IL2RA: variants seen among roughly 807,000 people sequenced by gnomAD.
IL2RA encodes interleukin-2 receptor subunit alpha.
A neutral mutation model predicts 37.8 loss-of-function variants in IL2RA; 24 were observed. That is an observed-to-expected ratio of 0.63 (90% CI 0.46 to 0.89). The LOEUF (loss-of-function observed/expected upper bound fraction) is 0.89. IL2RA is among the 40% of genes least tolerant of loss of function. The pLI, the probability that IL2RA is intolerant of heterozygous loss-of-function variation, is 0.00. For synonymous variants in IL2RA, 125 were observed against 114.6 expected (o/e 1.09, Z -0.58); for missense variants, 319 against 348.6 (o/e 0.92, Z 0.68).
Position 6,058,634 on chromosome 10 carries a change from A to G in IL2RA, c.64+3454T>C, listed in dbSNP as rs1341663849. 6.6e-6 allele frequency among the ~76,000 whole-genome samples: 1 copy of G among 152,234 alleles called. No homozygotes were observed. Among genetic ancestry groups the G allele is most frequent in the Non-Finnish European group, 1.5e-5 (1 of 68,046 alleles). ...GCAGTTGTCTTTACAAGAATGGATA[A>G]TTACACAAACACATTATCTCAATGG... On this transcript the variant is annotated intron_variant, in intron 1 of 7. Coordinates refer to ENST00000379959, the MANE Select transcript of IL2RA (RefSeq NM_000417.3). The surrounding 1 kb of genome is among the most constrained non-coding windows in gnomAD (Gnocchi z 4.2).
Position 6,020,191 on chromosome 10 carries a change from C to G in IL2RA, c.584-250G>C, listed in dbSNP as rs1839362122. ...CCCTAGCTGTCCCCAAAACTCTGAGCAATGCTTTCTCCCCAGCCTCCCTCC... is the reference window on the plus strand; with the variant it reads ...CCCTAGCTGTCCCCAAAACTCTGAGGAATGCTTTCTCCCCAGCCTCCCTCC... On this transcript the variant is annotated intron_variant, in intron 4 of 7. Coordinates refer to ENST00000379959, the MANE Select transcript of IL2RA (RefSeq NM_000417.3). This position sits in a 1 kb window ranked among gnomAD's most constrained non-coding sequence, Gnocchi z 5.6. 6.6e-6 allele frequency among the ~76,000 whole-genome samples: 1 copy of G among 152,184 alleles called. No individual in the cohort carries two copies. Among genetic ancestry groups the G allele is most frequent in the Non-Finnish European group, 1.5e-5 (1 of 68,024 alleles).
rs1390652123 is a variant in IL2RA at position 6,047,232 on chromosome 10, C to T, written c.64+14856G>A. ...ACACAGGTAGCCCAAGGAACAACCC[C>T]CATGCCAACAGCACTCCATCCCGAC... On this transcript the variant is annotated intron_variant, in intron 1 of 7. Coordinates refer to ENST00000379959, the MANE Select transcript of IL2RA (RefSeq NM_000417.3). This position sits in a 1 kb window ranked among gnomAD's most constrained non-coding sequence, Gnocchi z 5.0. Among the ~76,000 whole-genome samples, 1 of 152,218 alleles carries T rather than the reference C, an allele frequency of 6.6e-6. No homozygotes were observed. The highest frequency in any genetic ancestry group is 2.4e-5 in the African/African-American group (1 of 41,454).
chr10:6,061,103 T>C (rs1214210011), intron 1 of IL2RA, among the ~76,000 whole-genome samples: 1 of 151,948 alleles, frequency 6.6e-6, no homozygotes, highest in African/African-American at 2.4e-5. Context: ...TAAAAAAAAA[T>C]ATTGGCCAGG....
At chr10:6,038,849 G>C (rs1198828820) in intron 1 of IL2RA, among the ~76,000 whole-genome samples, 1 of 152,098 alleles carries the variant, frequency 6.6e-6, no homozygotes, top group Admixed American at 6.6e-5. Context: ...ACAGAGTAAA[G>C]TGAATAACTT....
At chr10:6,013,828 T>G (rs1839231562) in intron 7 of IL2RA, among the ~76,000 whole-genome samples, 2 of 121,830 alleles carry the variant, frequency 1.6e-5, no homozygotes, top group South Asian at 5.4e-4. Flanking sequence ...ATTTAAATAT[T>G]TTAATTTTTT....
intron 1 of IL2RA, among the ~76,000 whole-genome samples, chr10:6,027,085 G>A (rs12722565): frequency 0.029 from 4,452 of 152,268 alleles, 102 homozygotes; most frequent in Middle Eastern, 0.078. Context: ...ACTTTGGGAG[G>A]CCAAGGCGGG....
At chr10:6,051,748 A>ACCTCAGGTGATCTGCCCG (rs1839962443) in intron 1 of IL2RA, among the ~76,000 whole-genome samples, 1 of 133,016 alleles carries the variant, frequency 7.5e-6, no homozygotes, top group Non-Finnish European at 1.6e-5. Flanking sequence ...CGAACTCCTG[A>ACCTCAGGTGATCTGCCCG]CCTCAGGTGA....
intron 1 of IL2RA, among the ~76,000 whole-genome samples, chr10:6,030,545 T>C (rs1325556795): frequency 1.3e-5 from 2 of 152,090 alleles, no homozygotes; most frequent in Non-Finnish European, 2.9e-5. Flanking sequence ...CTAGAGACAA[T>C]ATCCTCTAAA....
Position 6,023,976 on chromosome 10 carries a change from G to C in IL2RA, c.367+268C>G, listed in dbSNP as rs370491548. 7.2e-5 allele frequency among the ~76,000 whole-genome samples: 11 copies of C among 152,364 alleles called. No homozygotes were observed. The South Asian group carries it at 2.3e-3, about 32-fold the overall frequency. ...GACGCTTTTAAGTTGAGTTGAATTTGGGTTGAATTCTATTTGGCCAGTTAC... is the reference window on the plus strand; with the variant it reads ...GACGCTTTTAAGTTGAGTTGAATTTCGGTTGAATTCTATTTGGCCAGTTAC... On this transcript the variant is annotated intron_variant, in intron 3 of 7. Transcript: ENST00000379959.
In IL2RA at chr10:6,033,623, A is replaced by G. The variant is rs1312311659; in HGVS notation, c.65-7598T>C. On this transcript the variant is annotated intron_variant, in intron 1 of 7. Transcript: ENST00000379959. This position sits in a 1 kb window ranked among gnomAD's most constrained non-coding sequence, Gnocchi z 4.3. ...ACCATTCAAAAATAAAAAATAATGA[A>G]CTATTGATACAGGCAATATTGATAA... is the stretch of plus-strand genomic sequence containing the variant. Among the ~76,000 whole-genome samples, 1 of 152,224 alleles carries G rather than the reference A, an allele frequency of 6.6e-6. No individual in the cohort carries two copies. The highest frequency in any genetic ancestry group is 1.5e-5 in the Non-Finnish European group (1 of 68,032).
rs184485650 is a variant in IL2RA, at chr10:6,056,184, C to T, written c.64+5904G>A. 1.6e-4 allele frequency among the ~76,000 whole-genome samples: 25 copies of T among 152,310 alleles called. No homozygotes were observed. The highest frequency in any genetic ancestry group is 1.3e-3 in the Admixed American group (20 of 15,298). ...GGGGGCTATTGGCAAACACTGTTGG[C>T]TGACTTCAGAATGGGAGCCATTCAG... On this transcript the variant is annotated intron_variant, in intron 1 of 7. Coordinates refer to ENST00000379959, the MANE Select transcript of IL2RA (RefSeq NM_000417.3). The surrounding 1 kb of genome is among the most constrained non-coding windows in gnomAD (Gnocchi z 5.0).
Position 6,021,340 on chromosome 10 carries a change from A to G in IL2RA, c.583+138T>C. ...AAATTTTTTTTTTTTTCTCAGAATG[A>G]GAAAAAATGGAAGCCCAGGGAGATC... On this transcript the variant is annotated intron_variant, in intron 4 of 7. Coordinates refer to ENST00000379959, the MANE Select transcript of IL2RA (RefSeq NM_000417.3). The surrounding 1 kb of genome is among the most constrained non-coding windows in gnomAD (Gnocchi z 4.9). The G allele has an allele frequency of 1.3e-6, 1 of 757,128 alleles. No homozygotes were observed. Among genetic ancestry groups the G allele is most frequent in the Non-Finnish European group, 2.2e-6 (1 of 445,350 alleles). The allele number at this position is 757,128 out of a possible 1,614,324, so 46.9% of individuals were successfully genotyped here.
chr10:6,030,180 A>G (rs1031159556), intron 1 of IL2RA, among the ~76,000 whole-genome samples: 1 of 152,244 alleles, frequency 6.6e-6, no homozygotes, highest in East Asian at 1.9e-4. Context: ...CCTACATTTA[A>G]TTGAATTCCC....
In IL2RA at chr10:6,010,699, AT is replaced by A. The variant is rs1839179317; in HGVS notation, c.*2172del. ...AATAAAAACCAAGACTTTTTAAAAA[AT>A]ATCATTTATTCTTTTATAAACAATA... On this transcript the variant is annotated 3_prime_UTR_variant, in exon 8 of 8. Transcript: ENST00000379959. 6.6e-6 allele frequency: 1 copy of A among 152,164 alleles called. No homozygotes were observed. Among genetic ancestry groups the A allele is most frequent in the Non-Finnish European group, 1.5e-5 (1 of 68,036 alleles). 9.4% of individuals were successfully genotyped at this position (152,164 alleles called of 1,614,324 possible). A position where few individuals can be genotyped will look rare whatever the true frequency, so the allele number is the denominator to read the frequency against.
intron 1 of IL2RA, among the ~76,000 whole-genome samples, chr10:6,052,933 G>A (rs1038661861): frequency 1.3e-5 from 2 of 152,132 alleles, no homozygotes; most frequent in Non-Finnish European, 2.9e-5. Context: ...GCAGGGAACA[G>A]CAGGACCCGG....
intron 1 of IL2RA, among the ~76,000 whole-genome samples, chr10:6,055,178 G>A (rs961222795): frequency 1.3e-5 from 2 of 152,166 alleles, no homozygotes; most frequent in African/African-American, 2.4e-5. Context: ...AATTTGCTCC[G>A]TGACAAGATC....
intron 4 of IL2RA, 21 bp from the exon 5 acceptor site, chr10:6,019,962 T>C (rs780096707): frequency 3.1e-6 from 5 of 1,607,546 alleles, no homozygotes; most frequent in East Asian, 4.5e-5. Context: ...GAGTAAGTGA[T>C]GCTGGTGGAG....
intron 1 of IL2RA, among the ~76,000 whole-genome samples, chr10:6,030,586 A>G (rs1839560945): frequency 6.6e-6 from 1 of 152,234 alleles, no homozygotes; most frequent in Admixed American, 6.5e-5. Flanking sequence ...ATTTTCAGAT[A>G]AAAGAAAGCT....
chr10:6,016,872 C>G (rs1839288485), intron 7 of IL2RA, among the ~76,000 whole-genome samples: 1 of 152,188 alleles, frequency 6.6e-6, no homozygotes, highest in South Asian at 2.1e-4. Flanking sequence ...AACTCCTGGG[C>G]TATCTTTTAA....
Sources: allele counts gnomAD v4.1 joint callset (sites outside exome capture counted in the v4.1 genomes callset), GRCh38; gene constraint gnomAD v4.1.1; non-coding constraint Gnocchi (gnomAD v3.1); transcripts MANE v1.5; gene names NCBI Gene and HGNC (gene_info 2026-07-23, HGNC 2026-07-21).